The following TRMT10A variants were observed in gnomAD, a reference collection of about 807,000 sequenced individuals.
TRMT10A encodes the protein tRNA methyltransferase 10 homolog A.
Under a neutral mutation model 40.4 loss-of-function variants are expected in TRMT10A, and 37 were observed. The ratio of observed to expected loss-of-function variants is 0.92; its 90% CI spans 0.71 to 1.21. TRMT10A has a LOEUF of 1.21. Among genes scored for constraint, TRMT10A ranks in the 50% most tolerant of loss-of-function variants. TRMT10A has a pLI of 0.00. For missense variants in TRMT10A, 388 were observed against 404.3 expected, an observed-to-expected ratio of 0.96 and a Z score of 0.35; for synonymous variants, 103 against 134.1, an observed-to-expected ratio of 0.77 and a Z score of 1.60.
rs775458671 is a variant in TRMT10A at position 99,549,055 on chromosome 4, T to C, written c.*33A>G. On this transcript the variant is annotated 3_prime_UTR_variant, in exon 8 of 8. Transcript: ENST00000394876. ...TATATAGCACCTCACTTTCTCCTAA[T>C]TTTTCCTTAAACTAAAAGGAAACCA... 7 of 1,603,558 alleles carry C rather than the reference T, an allele frequency of 4.4e-6. No individual in the cohort carries two copies. In the Admixed American group the frequency reaches 5.0e-5, roughly 12 times the overall value.
chr4:99,554,080 G>C (rs1256936480), intron 5 of TRMT10A, 146 bp from the exon 6 acceptor site: 7 of 752,092 alleles, frequency 9.3e-6, no homozygotes, highest in Non-Finnish European at 1.3e-5. Flanking sequence ...GCATTATTTT[G>C]AATTTACTAC....
chr4:99,560,629 C>T (rs975789227), intron 1 of TRMT10A, among the ~76,000 whole-genome samples: 5 of 151,792 alleles, frequency 3.3e-5, no homozygotes, highest in African/African-American at 1.2e-4. Context: ...ATTTAAGAAA[C>T]TGGAGGTGGG....
At chr4:99,552,384 T>C (rs1193555512) in intron 6 of TRMT10A, among the ~76,000 whole-genome samples, 2 of 152,182 alleles carry the variant, frequency 1.3e-5, no homozygotes, top group Non-Finnish European at 2.9e-5. Context: ...ATCTTTATGT[T>C]ACAATTGTCT....
At chr4:99,550,838 C>T (rs1323606901) in intron 7 of TRMT10A, 47 bp downstream of exon 7, 4 of 1,348,496 alleles carry the variant, frequency 3.0e-6, no homozygotes, top group African/African-American at 2.9e-5. Context: ...TATTCTTTCT[C>T]ACAATGTTCG....
chr4:99,563,746 G>C (rs550704244), intron 1 of TRMT10A, 167 bp downstream of exon 1: 41 of 414,398 alleles, frequency 9.9e-5, no homozygotes, highest in South Asian at 7.5e-4. Flanking sequence ...GCCTGTCATC[G>C]ACGTCATTTC....
chr4:99,549,470 ACTTT>A, intron 7 of TRMT10A, 114 bp from the exon 8 acceptor site: 2 of 1,355,406 alleles, frequency 1.5e-6, no homozygotes, highest in Non-Finnish European at 2.0e-6. Flanking sequence ...CCTAATAACT[ACTTT>A]GTTCTTAGCT....
rs1723784304 is a variant in TRMT10A at position 99,547,540 on chromosome 4, T to C, written c.*1548A>G. 6.6e-6 allele frequency: 1 copy of C among 152,130 alleles called. No homozygotes were observed. Among genetic ancestry groups the C allele is most frequent in the South Asian group, 2.1e-4 (1 of 4,830 alleles). The allele number at this position is 152,130 out of a possible 1,614,324, so 9.4% of individuals were successfully genotyped here. On this transcript the variant is annotated 3_prime_UTR_variant, in exon 8 of 8. Coordinates refer to ENST00000394876, the MANE Select transcript of TRMT10A (RefSeq NM_001134665.3). ...TAATTTAAGTAAAAGGCATAATATTTCATGCTAATAAACCACATTTACTCA... is the reference window on the plus strand; with the variant it reads ...TAATTTAAGTAAAAGGCATAATATTCCATGCTAATAAACCACATTTACTCA...
At position 99,547,679 on chromosome 4, in the gene TRMT10A, G is replaced by C. The variant is rs986120061; in HGVS notation, c.*1409C>G. ...GCCTACAGACCTTACCTTAAAATAGGTAACTATAATAGATTACTAAGAACA... is the reference window on the plus strand; with the variant it reads ...GCCTACAGACCTTACCTTAAAATAGCTAACTATAATAGATTACTAAGAACA... On this transcript the variant is annotated 3_prime_UTR_variant, in exon 8 of 8. Transcript: ENST00000394876. 1 of 151,872 alleles carries C rather than the reference G, an allele frequency of 6.6e-6. No homozygotes were observed. Among genetic ancestry groups the C allele is most frequent in the Non-Finnish European group, 1.5e-5 (1 of 67,924 alleles). The allele number at this position is 151,872 out of a possible 1,614,324, so 9.4% of individuals were successfully genotyped here.
chr4:99,549,522 G>A (rs918097762), intron 7 of TRMT10A, among the ~76,000 whole-genome samples, 166 bp from the exon 8 acceptor site: 7 of 152,020 alleles, frequency 4.6e-5, no homozygotes, highest in African/African-American at 1.7e-4. Flanking sequence ...TTTGCCCCAA[G>A]GTACTTAAGT....
At chr4:99,561,437 T>TTCA (rs571226266) in intron 1 of TRMT10A, among the ~76,000 whole-genome samples, 2,378 of 152,198 alleles carry the variant, frequency 0.016, 18 homozygotes, top group Admixed American at 0.024. Flanking sequence ...GGTCAACATC[T>TTCA]TCATCATCAT....
rs1466500896 is a variant in TRMT10A at position 99,558,113 on chromosome 4, T to A, written c.284A>T (p.Asp95Val). ...DGHDRKRVRR[D>V]VVHSTLRLII... Reference sequence around the variant, plus strand: ...AAGGCGAAGGGTGCTATGAACAACATCTCTTCGAACACGTTTTCTGTCATG... The same window carrying A: ...AAGGCGAAGGGTGCTATGAACAACAACTCTTCGAACACGTTTTCTGTCATG... The change falls in exon 3 of 8, where the codon GAT becomes GTT. Residue 95 changes from aspartate (D) to valine (V), a missense_variant. Asp to Val is a radical substitution (Grantham distance 152). Transcript: ENST00000394876. The A allele has an allele frequency of 2.5e-6, 4 of 1,612,838 alleles. No homozygotes were observed. Among genetic ancestry groups the A allele is most frequent in the East Asian group, 2.2e-5 (1 of 44,778 alleles).
intron 5 of TRMT10A, among the ~76,000 whole-genome samples, chr4:99,554,722 CAAAAAAAAAAA>C (rs532448105): frequency 2.2e-5 from 2 of 90,884 alleles, no homozygotes; most frequent in Non-Finnish European, 2.2e-5. Context: ...GACTACGTTT[CAAAAAAAAAAA>C]AAAAAAAAGA....
chr4:99,563,764 A>C (rs1724565860), intron 1 of TRMT10A, 149 bp downstream of exon 1: 3 of 464,686 alleles, frequency 6.5e-6, no homozygotes, highest in African/African-American at 5.9e-5. Flanking sequence ...TTCCTTCAGC[A>C]AGAGCGCCGC....
At chr4:99,552,699 T>C (rs1438772483) in intron 6 of TRMT10A, among the ~76,000 whole-genome samples, 1 of 152,136 alleles carries the variant, frequency 6.6e-6, no homozygotes, top group African/African-American at 2.4e-5. Context: ...AAAACTTGAA[T>C]TGAGAAATTT....
In TRMT10A at chr4:99,549,014, T is replaced by A; in HGVS notation, c.*74A>T. 3 of 1,400,014 alleles carry A rather than the reference T, an allele frequency of 2.1e-6. No individual in the cohort carries two copies. The South Asian group carries it at 5.5e-5, about 26-fold the overall frequency. 86.7% of individuals were successfully genotyped at this position (1,400,014 alleles called of 1,614,324 possible). A position where few individuals can be genotyped will look rare whatever the true frequency, so the allele number is the denominator to read the frequency against. On this transcript the variant is annotated 3_prime_UTR_variant, in exon 8 of 8. Transcript: ENST00000394876. ...GAAATAAGAGAAAATAAAATGTTCTTCCAATTTCAATATTCTATATAGCAC... is the reference window on the plus strand; with the variant it reads ...GAAATAAGAGAAAATAAAATGTTCTACCAATTTCAATATTCTATATAGCAC...
In TRMT10A at chr4:99,554,927, C is replaced by T. The variant is rs534586429; in HGVS notation, c.496-993G>A. ...ACTGCATAAAAGATGTATCACCAGG[C>T]TCAGATGACATTTATCCATAATTTT... On this transcript the variant is annotated intron_variant, in intron 5 of 7. Coordinates refer to ENST00000394876, the MANE Select transcript of TRMT10A (RefSeq NM_001134665.3). 7.9e-4 allele frequency among the ~76,000 whole-genome samples: 120 copies of T among 152,116 alleles called. 2 individuals carry two copies. The highest frequency in any genetic ancestry group is 6.6e-3 in the South Asian group (32 of 4,820).
chr4:99,557,545 C>A, intron 3 of TRMT10A, 129 bp from the exon 4 acceptor site: 1 of 679,806 alleles, frequency 1.5e-6, no homozygotes. Flanking sequence ...AATACAAATG[C>A]ATTCTGATAA....
intron 1 of TRMT10A, chr4:99,563,619 A>G (rs927082678): frequency 3.7e-6 from 1 of 269,254 alleles, no homozygotes; most frequent in Non-Finnish European, 7.5e-6. Flanking sequence ...GCGCCCCACC[A>G]CGGGGCGGAG....
intron 3 of TRMT10A, chr4:99,557,817 GTC>G (rs775037148): frequency 1.3e-5 from 6 of 460,810 alleles, no homozygotes; most frequent in Non-Finnish European, 1.9e-5. Context: ...GTGTGTGTTT[GTC>G]TCTCTTTCCT....
Sources: allele counts gnomAD v4.1 joint callset (sites outside exome capture counted in the v4.1 genomes callset), GRCh38; gene constraint gnomAD v4.1.1; transcripts MANE v1.5; gene names NCBI Gene and HGNC (gene_info 2026-07-23, HGNC 2026-07-21).